The following AGAP1 variants were observed in gnomAD, a reference collection of about 807,000 sequenced individuals.
AGAP1 encodes arf-GAP with GTPase, ANK repeat and PH domain-containing protein 1.
In AGAP1, 29 loss-of-function variants were observed where a neutral mutation model predicts 105.3. That is an observed-to-expected ratio of 0.28 (90% CI 0.21 to 0.38). AGAP1 has a LOEUF of 0.38. Ranked by LOEUF, AGAP1 falls within the 10% of genes least tolerant of loss-of-function variation. The probability of loss-of-function intolerance (pLI) is 1.00; values close to 1 mark genes in which losing one functional copy is unlikely to be tolerated. For synonymous variants in AGAP1, 509 were observed against 485.9 expected, an observed-to-expected ratio of 1.05 and a Z score of -0.63; for missense variants, 998 against 1,165.1, an observed-to-expected ratio of 0.86 and a Z score of 2.09.
rs1957322785 is a variant in AGAP1, at chr2:235,798,016, C to G, written c.801+130C>G. 2.7e-5 allele frequency: 32 copies of G among 1,185,972 alleles called. No individual in the cohort carries two copies. In the South Asian group the frequency reaches 4.6e-4, roughly 17 times the overall value. 73.5% of individuals were successfully genotyped at this position (1,185,972 alleles called of 1,614,324 possible). Reference sequence around the variant, plus strand: ...ATAAGTAACAGCATGTTGTAATTGACTTCACATTTTCTTCAGAAACTGCTG... The same window carrying G: ...ATAAGTAACAGCATGTTGTAATTGAGTTCACATTTTCTTCAGAAACTGCTG... On this transcript the variant is annotated intron_variant, in intron 7 of 17. Transcript: ENST00000304032.
At chr2:235,968,743 T>C in intron 13 of AGAP1, 120 bp downstream of exon 13, 1 of 1,052,138 alleles carries the variant, frequency 9.5e-7, no homozygotes, top group Non-Finnish European at 1.4e-6. Flanking sequence ...CTGGTCACCG[T>C]ATGTGCTTTC....
rs1951557173 is a variant in AGAP1, at chr2:235,724,586, G to C, written c.310+6942G>C. ...GATGGAAAAGGTACCTGCGGTGGTGGGGGGAGGGGGAGTTCCCTATGTAAA... is the reference window on the plus strand; with the variant it reads ...GATGGAAAAGGTACCTGCGGTGGTGCGGGGAGGGGGAGTTCCCTATGTAAA... On this transcript the variant is annotated intron_variant, in intron 3 of 17. Transcript: ENST00000304032. This position sits in a 1 kb window ranked among gnomAD's most constrained non-coding sequence, Gnocchi z 4.9. Among the ~76,000 whole-genome samples, 1 of 152,136 alleles carries C rather than the reference G, an allele frequency of 6.6e-6. No individual in the cohort carries two copies. The highest frequency in any genetic ancestry group is 2.1e-4 in the South Asian group (1 of 4,828).
At chr2:235,498,508 C>T (rs771623020) in intron 1 of AGAP1, among the ~76,000 whole-genome samples, 4 of 152,220 alleles carry the variant, frequency 2.6e-5, no homozygotes, top group Admixed American at 6.5e-5. Context: ...GTCTGAACAG[C>T]GTGTGTTAGT....
In AGAP1 at chr2:236,084,025, G is replaced by A. The variant is rs898029884; in HGVS notation, c.2114+34744G>A. Among the ~76,000 whole-genome samples, 57 of 152,190 alleles carry A rather than the reference G, an allele frequency of 3.7e-4. 1 individual carries two copies. The highest frequency in any genetic ancestry group is 1.1e-3 in the African/African-American group (45 of 41,446). On this transcript the variant is annotated intron_variant, in intron 16 of 17. Coordinates refer to ENST00000304032, the MANE Select transcript of AGAP1 (RefSeq NM_001037131.3). ...CATTGTGTGGCAGGTGGAAGAAAAGGTGCAGGAGGAAGACTCACAAAGTCT... is the reference window on the plus strand; with the variant it reads ...CATTGTGTGGCAGGTGGAAGAAAAGATGCAGGAGGAAGACTCACAAAGTCT...
rs1953106523 is a variant in AGAP1, at chr2:235,747,998, A to G, written c.539-2356A>G. On this transcript the variant is annotated intron_variant, in intron 5 of 17. Transcript: ENST00000304032. The surrounding 1 kb of genome is among the most constrained non-coding windows in gnomAD (Gnocchi z 5.0). ...TTTCTGGGCAGTAGCCAAGGACTGC[A>G]CGAATGTTCATAATTGGGCAAGATG... Among the ~76,000 whole-genome samples the G allele has an allele frequency of 1.3e-5, 2 of 152,266 alleles. No homozygotes were observed. Among genetic ancestry groups the G allele is most frequent in the South Asian group, 2.1e-4 (1 of 4,836 alleles).
At position 235,994,873 on chromosome 2, in the gene AGAP1, TG is replaced by T. The variant is rs1179521453; in HGVS notation, c.1645+26252del. On this transcript the variant is annotated intron_variant, in intron 13 of 17. Coordinates refer to ENST00000304032, the MANE Select transcript of AGAP1 (RefSeq NM_001037131.3). This position sits in a 1 kb window ranked among gnomAD's most constrained non-coding sequence, Gnocchi z 4.4. The stretch of plus-strand genomic sequence containing the variant: ...CGAGGTCAGGAGTTTGAGACCAGCC[TG>T]GACAAAATAGTGAAACCCCATCTGT... 1.3e-5 allele frequency among the ~76,000 whole-genome samples: 2 copies of T among 150,934 alleles called. No individual in the cohort carries two copies. The highest frequency in any genetic ancestry group is 3.0e-5 in the Non-Finnish European group (2 of 67,712).
chr2:235,534,343 A>T (rs913886153), intron 1 of AGAP1, among the ~76,000 whole-genome samples: 2 of 152,104 alleles, frequency 1.3e-5, no homozygotes, highest in Non-Finnish European at 2.9e-5. Context: ...CGCTGCTGTG[A>T]TGATAGGGGG....
chr2:235,733,899 T>TG lies in AGAP1; in HGVS notation c.311-7063dup. Among the ~76,000 whole-genome samples the TG allele has an allele frequency of 6.6e-6, 1 of 152,314 alleles. No individual in the cohort carries two copies. The highest frequency in any genetic ancestry group is 6.5e-5 in the Admixed American group (1 of 15,296). On this transcript the variant is annotated intron_variant, in intron 3 of 17. Coordinates refer to ENST00000304032, the MANE Select transcript of AGAP1 (RefSeq NM_001037131.3). This position sits in a 1 kb window ranked among gnomAD's most constrained non-coding sequence, Gnocchi z 5.0. ...TTTGGCTAAATTTTGTAAACAAAGATGTTACCAATAAAACCTTTTTCCCAG... is the reference window on the plus strand; with the variant it reads ...TTTGGCTAAATTTTGTAAACAAAGATGGTTACCAATAAAACCTTTTTCCCAG...
intron 6 of AGAP1, among the ~76,000 whole-genome samples, chr2:235,784,991 CATTGTATA>C (rs1205172800): frequency 6.6e-6 from 1 of 152,190 alleles, no homozygotes; most frequent in Admixed American, 6.5e-5. Context: ...CATCACAATA[CATTGTATA>C]ATTCAACCTG....
rs1270360095 is a variant in AGAP1, at chr2:235,983,389, C to T, written c.1645+14766C>T. Reference sequence around the variant, plus strand: ...CCCATCACTTTCTACATTCTGGCCCCTTTTTCTCCTTTCCTTCTTTCTCTT... The same window carrying T: ...CCCATCACTTTCTACATTCTGGCCCTTTTTTCTCCTTTCCTTCTTTCTCTT... On this transcript the variant is annotated intron_variant, in intron 13 of 17. Transcript: ENST00000304032. The surrounding 1 kb of genome is among the most constrained non-coding windows in gnomAD (Gnocchi z 4.5). Among the ~76,000 whole-genome samples the T allele has an allele frequency of 6.6e-6, 1 of 152,184 alleles. No individual in the cohort carries two copies. Among genetic ancestry groups the T allele is most frequent in the Non-Finnish European group, 1.5e-5 (1 of 68,026 alleles).
Position 235,552,122 on chromosome 2 carries a change from G to A in AGAP1, c.163+57273G>A, listed in dbSNP as rs545019830. 1.6e-4 allele frequency among the ~76,000 whole-genome samples: 24 copies of A among 152,184 alleles called. No individual in the cohort carries two copies. The highest frequency in any genetic ancestry group is 2.6e-4 in the Admixed American group (4 of 15,280). ...ATAACTGGCCGCGGTACTGCCACCC[G>A]CTGGAAGGGGCCTGCAGGGAAGTGT... On this transcript the variant is annotated intron_variant, in intron 1 of 17. Transcript: ENST00000304032. The surrounding 1 kb of genome is among the most constrained non-coding windows in gnomAD (Gnocchi z 5.9).
chr2:235,807,500 G>A (rs544394709), intron 9 of AGAP1, among the ~76,000 whole-genome samples, 169 bp downstream of exon 9: 3 of 152,342 alleles, frequency 2.0e-5, no homozygotes, highest in Non-Finnish European at 4.4e-5. Flanking sequence ...ATTCAAATGG[G>A]ATCATTAGAA....
intron 9 of AGAP1, among the ~76,000 whole-genome samples, chr2:235,848,577 A>G (rs2106435922): frequency 6.6e-6 from 1 of 152,358 alleles, no homozygotes; most frequent in East Asian, 1.9e-4. Flanking sequence ...TGGTGAGATC[A>G]TTACTCTCGA....
At chr2:236,017,791 A>C (rs932515935) in intron 13 of AGAP1, among the ~76,000 whole-genome samples, 1 of 152,140 alleles carries the variant, frequency 6.6e-6, no homozygotes, top group Non-Finnish European at 1.5e-5. Flanking sequence ...ACATTATCTC[A>C]TTTAATCTTC....
At chr2:235,796,975 A>T (rs572013789) in intron 6 of AGAP1, among the ~76,000 whole-genome samples, 1 of 152,318 alleles carries the variant, frequency 6.6e-6, no homozygotes, top group South Asian at 2.1e-4. Context: ...AAGAGAAGTT[A>T]TGGCTGGTTG....
intron 1 of AGAP1, among the ~76,000 whole-genome samples, chr2:235,584,613 C>T (rs1945041757): frequency 6.6e-6 from 1 of 151,680 alleles, no homozygotes; most frequent in African/African-American, 2.4e-5. Context: ...GGAGGGATCC[C>T]CTCCCCCAGC....
At chr2:235,806,367 TAATAA>T (rs997435867) in intron 8 of AGAP1, among the ~76,000 whole-genome samples, 71 of 152,328 alleles carry the variant, frequency 4.7e-4, no homozygotes, top group African/African-American at 1.6e-3. Flanking sequence ...CTTTCTCTCA[TAATAA>T]AATAAATCTG....
In AGAP1 at chr2:235,610,549, C is replaced by G. The variant is rs1215359087; in HGVS notation, c.164-98630C>G. Among the ~76,000 whole-genome samples, 1 of 152,078 alleles carries G rather than the reference C, an allele frequency of 6.6e-6. No homozygotes were observed. The highest frequency in any genetic ancestry group is 2.4e-5 in the African/African-American group (1 of 41,386). On this transcript the variant is annotated intron_variant, in intron 1 of 17. Transcript: ENST00000304032. The surrounding 1 kb of genome is among the most constrained non-coding windows in gnomAD (Gnocchi z 4.9). ...AAGGGTGCTAATTCCATCATGAGGGCCCCATCCTTATGACCTTGTCCAACC... is the reference window on the plus strand; with the variant it reads ...AAGGGTGCTAATTCCATCATGAGGGGCCCATCCTTATGACCTTGTCCAACC...
chr2:236,026,861 A>G (rs1417710461), intron 13 of AGAP1, among the ~76,000 whole-genome samples: 1 of 152,244 alleles, frequency 6.6e-6, no homozygotes, highest in Non-Finnish European at 1.5e-5. Flanking sequence ...GAAAGCCACT[A>G]GGAGACCCTT....
Sources: allele counts gnomAD v4.1 joint callset (sites outside exome capture counted in the v4.1 genomes callset), GRCh38; gene constraint gnomAD v4.1.1; non-coding constraint Gnocchi (gnomAD v3.1); transcripts MANE v1.5; gene names NCBI Gene and HGNC (gene_info 2026-07-23, HGNC 2026-07-21).